Variants in CATSPERB observed in about 807,000 individuals in gnomAD.
The protein encoded by CATSPERB is catsper channel auxiliary subunit beta, also known as cation channel sperm-associated auxiliary subunit beta.
A neutral mutation model predicts 128.3 loss-of-function variants in CATSPERB; 93 were observed. The observed-to-expected ratio is 0.72, with a 90% confidence interval of 0.61 to 0.86. CATSPERB has a LOEUF of 0.86. Among genes scored for constraint, CATSPERB ranks in the 40% least tolerant of loss-of-function variants. The probability of loss-of-function intolerance (pLI) is 0.00; values close to 1 mark genes in which losing one functional copy is unlikely to be tolerated. For missense variants in CATSPERB, 1,153 were observed against 1,329.5 expected, an observed-to-expected ratio of 0.87 and a Z score of 2.06; for synonymous variants, 381 against 448.8, an observed-to-expected ratio of 0.85 and a Z score of 1.91.
chr14:91,587,940 T>C (rs1893331603), intron 25 of CATSPERB, 38 bp downstream of exon 25: 1 of 1,328,778 alleles, frequency 7.5e-7, no homozygotes, highest in South Asian at 1.2e-5. Context: ...ATGTTTTATC[T>C]AAACTCAACA....
intron 22 of CATSPERB, among the ~76,000 whole-genome samples, chr14:91,595,170 G>T (rs1893481215): frequency 6.6e-6 from 1 of 151,990 alleles, no homozygotes; most frequent in African/African-American, 2.4e-5. Flanking sequence ...GGTATGACTG[G>T]TATGCTTTAT....
chr14:91,614,669 G>A (rs1893902226), intron 20 of CATSPERB, among the ~76,000 whole-genome samples: 2 of 151,954 alleles, frequency 1.3e-5, no homozygotes, highest in Admixed American at 1.3e-4. Flanking sequence ...GGCGTGGTGG[G>A]CCTGTAGTCC....
intron 20 of CATSPERB, among the ~76,000 whole-genome samples, chr14:91,617,318 A>T (rs1316238661): frequency 6.6e-6 from 1 of 152,206 alleles, no homozygotes; most frequent in Non-Finnish European, 1.5e-5. Context: ...AAAAAATATG[A>T]TTCTGAAATG....
chr14:91,633,689 A>G (rs1387295093), intron 17 of CATSPERB, among the ~76,000 whole-genome samples: 1 of 152,124 alleles, frequency 6.6e-6, no homozygotes, highest in Non-Finnish European at 1.5e-5. Flanking sequence ...AAAGGAAAAA[A>G]TTCTATAGAT....
chr14:91,717,196 G>A (rs1041895576), intron 5 of CATSPERB, among the ~76,000 whole-genome samples: 4 of 152,164 alleles, frequency 2.6e-5, no homozygotes, highest in Non-Finnish European at 4.4e-5. Context: ...ACAGAACAGT[G>A]GTTGCCAGGG....
At chr14:91,706,317 G>A (rs144343297) in intron 6 of CATSPERB, among the ~76,000 whole-genome samples, 3,477 of 152,256 alleles carry the variant, frequency 0.023, 63 homozygotes, top group Non-Finnish European at 0.038. Flanking sequence ...AGCAGCTGAC[G>A]TTGCAGGGTA....
intron 5 of CATSPERB, chr14:91,715,013 CAGCTT>C (rs1267833194): frequency 6.5e-6 from 1 of 152,812 alleles, no homozygotes; most frequent in Non-Finnish European, 1.5e-5. Flanking sequence ...CACCAGGAGC[CAGCTT>C]CGCGCTTAGG....
At chr14:91,685,842 T>C (rs1327433056) in intron 10 of CATSPERB, among the ~76,000 whole-genome samples, 1 of 152,202 alleles carries the variant, frequency 6.6e-6, no homozygotes, top group African/African-American at 2.4e-5. Context: ...GCAGGATGGC[T>C]GCAGGTAGAG....
intron 12 of CATSPERB, 30 bp from the exon 13 acceptor site, chr14:91,673,046 C>T (rs931051216): frequency 6.5e-7 from 1 of 1,536,656 alleles, no homozygotes; most frequent in Non-Finnish European, 8.7e-7. Context: ...AAAATTAATG[C>T]TGTTTTTGAA....
chr14:91,604,622 T>C (rs1426886857), intron 22 of CATSPERB: 18 of 1,611,252 alleles, frequency 1.1e-5, no homozygotes, highest in Non-Finnish European at 1.5e-5. Flanking sequence ...CCAGGCCTGA[T>C]TGTTCCAGGA....
intron 10 of CATSPERB, among the ~76,000 whole-genome samples, chr14:91,687,010 GA>G (rs1295934698): frequency 6.6e-6 from 1 of 151,828 alleles, no homozygotes; most frequent in Non-Finnish European, 1.5e-5. Context: ...GATAAGTGAA[GA>G]AAATAATTTA....
At chr14:91,605,550 C>A (rs1056953487) in intron 22 of CATSPERB, among the ~76,000 whole-genome samples, 3 of 152,182 alleles carry the variant, frequency 2.0e-5, no homozygotes, top group African/African-American at 7.2e-5. Flanking sequence ...GAAATCATTT[C>A]CACGGCCGAG....
At chr14:91,589,411 A>G in intron 24 of CATSPERB, 123 bp downstream of exon 24, 4 of 879,130 alleles carry the variant, frequency 4.5e-6, no homozygotes, top group Admixed American at 2.8e-5. Flanking sequence ...ACTGATCCAA[A>G]TCCATTTGCA....
At chr14:91,632,628 T>C (rs1158579976) in intron 17 of CATSPERB, among the ~76,000 whole-genome samples, 2 of 152,070 alleles carry the variant, frequency 1.3e-5, no homozygotes, top group Non-Finnish European at 2.9e-5. Context: ...AGTAGGAAAG[T>C]TTAATACAGC....
chr14:91,612,314 A>G (rs1893850467), intron 20 of CATSPERB, among the ~76,000 whole-genome samples: 1 of 151,992 alleles, frequency 6.6e-6, no homozygotes, highest in Admixed American at 6.6e-5. Context: ...ATAACTAAAA[A>G]AATTTTTTTA....
intron 20 of CATSPERB, among the ~76,000 whole-genome samples, chr14:91,612,061 T>C (rs1337229331): frequency 1.6e-5 from 1 of 63,874 alleles, no homozygotes; most frequent in African/African-American, 4.6e-5. Flanking sequence ...TCTTTCTTTC[T>C]TTCTTCCTTT....
intron 5 of CATSPERB, among the ~76,000 whole-genome samples, chr14:91,708,448 G>A (rs188025398): frequency 3.6e-4 from 55 of 152,242 alleles, no homozygotes; most frequent in African/African-American, 6.7e-4. Context: ...TACCACCATA[G>A]CAATGAATCT....
intron 15 of CATSPERB, among the ~76,000 whole-genome samples, chr14:91,650,090 C>T (rs1489102371): frequency 2.0e-5 from 3 of 152,160 alleles, no homozygotes; most frequent in Non-Finnish European, 4.4e-5. Context: ...ATGTGTCTTA[C>T]AATCATTGTC....
At chr14:91,618,661 C>G (rs1324238255) in intron 19 of CATSPERB, among the ~76,000 whole-genome samples, 1 of 152,174 alleles carries the variant, frequency 6.6e-6, no homozygotes, top group Admixed American at 6.5e-5. Flanking sequence ...AATATTTCAC[C>G]AGACCAATTT....
Sources: allele counts gnomAD v4.1 joint callset (sites outside exome capture counted in the v4.1 genomes callset), GRCh38; gene constraint gnomAD v4.1.1; transcripts MANE v1.5; gene names NCBI Gene and HGNC (gene_info 2026-07-23, HGNC 2026-07-21).